SPTB: variants seen among roughly 807,000 people sequenced by gnomAD.
SPTB encodes spectrin beta, erythrocytic.
SPTB carries 45 observed loss-of-function variants against 256.2 expected under a neutral mutation model. That is an observed-to-expected ratio of 0.18 (90% CI 0.14 to 0.23). The LOEUF is 0.23. Among genes scored for constraint, SPTB ranks in the 10% least tolerant of loss-of-function variants. SPTB has a pLI of 1.00. For synonymous variants in SPTB, 1,231 were observed against 1,243.1 expected, an observed-to-expected ratio of 0.99 and a Z score of 0.21; for missense variants, 2,715 against 3,040.4, an observed-to-expected ratio of 0.89 and a Z score of 2.52.
chr14:64,766,519 G>T, intron 32 of SPTB: 1 of 1,479,196 alleles, frequency 6.8e-7, no homozygotes, highest in East Asian at 2.5e-5. Flanking sequence ...CTGTGGGGAG[G>T]AGTGGAGGAG....
Position 64,786,810 on chromosome 14 carries a change from C to T in SPTB, c.3155G>A (p.Gly1052Asp), listed in dbSNP as rs143644014. The change falls in exon 16 of 36, where the codon GGC becomes GAC. Residue 1052 changes from glycine to aspartate, a missense_variant. Gly to Asp is a moderately conservative substitution (Grantham distance 94). Around this residue, in one of 4 missense-constraint regions of SPTB, gnomAD observed 2,239 missense variants for 2,384.4 expected, o/e 0.94. Transcript: ENST00000644917. The surrounding 1 kb of genome is among the most constrained non-coding windows in gnomAD (Gnocchi z 5.6). ...LWQGLQQSLQGQEDLLGEVSQ... is the reference protein window; with the variant it reads ...LWQGLQQSLQDQEDLLGEVSQ... ...GACTTCCCCCAGCAAGTCCTCCTGG[C>T]CCTGCAGGGATTGCTGCAGGCCCTG... The T allele has an allele frequency of 3.9e-5, 63 of 1,613,902 alleles. No homozygotes were observed. Among genetic ancestry groups the T allele is most frequent in the Non-Finnish European group, 4.5e-5 (53 of 1,180,022 alleles).
At chr14:64,828,935 G>A (rs2083411591) in intron 1 of SPTB, among the ~76,000 whole-genome samples, 1 of 152,182 alleles carries the variant, frequency 6.6e-6, no homozygotes, top group South Asian at 2.1e-4. Flanking sequence ...TCACTGAAGT[G>A]ATATTTATAA....
chr14:64,850,338 A>G (rs1311551410), intron 1 of SPTB, among the ~76,000 whole-genome samples: 1 of 152,202 alleles, frequency 6.6e-6, no homozygotes, highest in Non-Finnish European at 1.5e-5. Context: ...ACACCTGTGG[A>G]TGGCTTCTTC....
chr14:64,801,931 A>T, intron 5 of SPTB, 97 bp from the exon 6 acceptor site: 1 of 1,252,212 alleles, frequency 8.0e-7, no homozygotes, highest in African/African-American at 1.5e-5. Context: ...AGAGAAATGG[A>T]ACTGTCCTTT....
At chr14:64,876,290 C>T (rs557228374) in intron 1 of SPTB, among the ~76,000 whole-genome samples, 46 of 152,144 alleles carry the variant, frequency 3.0e-4, no homozygotes, top group African/African-American at 1.1e-3. Flanking sequence ...TACAGGTGCC[C>T]ACCACCACAC....
In SPTB at chr14:64,749,648, G is replaced by C. The variant is rs369634684; in HGVS notation, c.6819+6C>G. On this transcript the variant is annotated splice_donor_region_variant and intron_variant, in intron 35 of 35. Coordinates refer to ENST00000644917, the MANE Select transcript of SPTB (RefSeq NM_001355436.2). The surrounding 1 kb of genome is among the most constrained non-coding windows in gnomAD (Gnocchi z 4.7). Reference sequence around the variant, plus strand: ...GCCAGGTCTGGGCTAGGCTGCCCGCGCTTACCTCATCCTTGCCATGGAAGA... The same window carrying C: ...GCCAGGTCTGGGCTAGGCTGCCCGCCCTTACCTCATCCTTGCCATGGAAGA... The C allele has an allele frequency of 3.7e-6, 6 of 1,613,474 alleles. No homozygotes were observed. The highest frequency in any genetic ancestry group is 5.1e-6 in the Non-Finnish European group (6 of 1,179,940).
rs776062167 is a variant in SPTB at position 64,801,289 on chromosome 14, G to A, written c.759C>T (p.Pro253=). The stretch of plus-strand genomic sequence containing the variant: ...GCAGGGGTGGGTGTGGCTCACCTTC[G>A]GGGTCGAGGAGCGGGATGATGCCCA... ...RQLGIIPLLD[P]EDVFTENPDE... The change falls in exon 7 of 36, where the codon CCC becomes CCT. Residue 253 remains proline, a synonymous_variant. Transcript: ENST00000644917. 1.4e-5 allele frequency: 23 copies of A among 1,613,342 alleles called. No homozygotes were observed. Among genetic ancestry groups the A allele is most frequent in the South Asian group, 2.2e-5 (2 of 91,066 alleles).
rs1229774125 is a variant in SPTB, at chr14:64,759,290, C to A, written c.6346-5497G>T. ...TAGCTGGGCAGGGACCCACCCATGA[C>A]CCCCTGGCTGCGAACCTGCAGTGGG... On this transcript the variant is annotated intron_variant, in intron 32 of 35. Coordinates refer to ENST00000644917, the MANE Select transcript of SPTB (RefSeq NM_001355436.2). This position sits in a 1 kb window ranked among gnomAD's most constrained non-coding sequence, Gnocchi z 4.8. Among the ~76,000 whole-genome samples the A allele has an allele frequency of 1.3e-5, 2 of 152,192 alleles. No individual in the cohort carries two copies. Among genetic ancestry groups the A allele is most frequent in the African/African-American group, 4.8e-5 (2 of 41,434 alleles).
intron 24 of SPTB, among the ~76,000 whole-genome samples, 167 bp downstream of exon 24, chr14:64,774,230 G>C (rs2082321842): frequency 6.6e-6 from 1 of 152,142 alleles, no homozygotes; most frequent in Non-Finnish European, 1.5e-5. Flanking sequence ...CAAAACCAAG[G>C]CATAAAATGA....
At chr14:64,789,796 A>G (rs2082638754) in intron 15 of SPTB, among the ~76,000 whole-genome samples, 1 of 152,226 alleles carries the variant, frequency 6.6e-6, no homozygotes, top group Non-Finnish European at 1.5e-5. Flanking sequence ...ACAAAGGAGG[A>G]AAAGATTGCT....
intron 1 of SPTB, among the ~76,000 whole-genome samples, chr14:64,855,214 G>GA (rs1177452202): frequency 6.6e-6 from 1 of 152,164 alleles, no homozygotes; most frequent in Non-Finnish European, 1.5e-5. Flanking sequence ...AAAACAGAAC[G>GA]AAAGGGAAGG....
rs200389830 is a variant in SPTB at position 64,793,328 on chromosome 14, G to A, written c.2335C>T (p.Arg779Trp). 4.2e-5 allele frequency: 67 copies of A among 1,609,372 alleles called. No individual in the cohort carries two copies. The highest frequency in any genetic ancestry group is 5.0e-5 in the Non-Finnish European group (59 of 1,179,992). The change falls in exon 14 of 36, where the codon CGG becomes TGG. Residue 779 changes from arginine (R) to tryptophan (W), a missense_variant. Physicochemically the swap from Arg to Trp is moderately radical, Grantham distance 101 (BLOSUM62 -3). Transcript: ENST00000644917. This position sits in a 1 kb window ranked among gnomAD's most constrained non-coding sequence, Gnocchi z 7.0. ...TCCTTGTGCTTTTTCCCCAGGGCCC[G>A]CGTGGCCCCTTCGTCCTGCCCCACA... Reference protein sequence around the residue: ...EDVGQDEGATRALGKKHKDFL... With the variant: ...EDVGQDEGATWALGKKHKDFL...
Position 64,873,364 on chromosome 14 carries a change from A to G in SPTB, c.-52+6428T>C, listed in dbSNP as rs182072311. Among the ~76,000 whole-genome samples, 3 of 152,354 alleles carry G rather than the reference A, an allele frequency of 2.0e-5. No homozygotes were observed. The highest frequency in any genetic ancestry group is 2.0e-4 in the Admixed American group (3 of 15,304). ...CTCAGTAAATATTTGTTGAAGACTG[A>G]CATACAAATCAAGGCCCTCAAGATC... On this transcript the variant is annotated intron_variant, in intron 1 of 35. Transcript: ENST00000644917. This position sits in a 1 kb window ranked among gnomAD's most constrained non-coding sequence, Gnocchi z 4.3.
In SPTB at chr14:64,747,847, C is replaced by A. The variant is rs2081872849; in HGVS notation, c.*1459G>T. 7.3e-6 allele frequency: 1 copy of A among 136,944 alleles called. No homozygotes were observed. The highest frequency in any genetic ancestry group is 2.6e-4 in the South Asian group (1 of 3,854). 8.5% of individuals were successfully genotyped at this position (136,944 alleles called of 1,614,324 possible). On this transcript the variant is annotated 3_prime_UTR_variant, in exon 36 of 36. Transcript: ENST00000644917. ...CGCTTGACTGCTCTCTTGGACCTAA[C>A]CCTAGTTTGATACTGGGCCAGAACT...
chr14:64,869,620 A>ATTT (rs1882404993), intron 1 of SPTB, among the ~76,000 whole-genome samples: 1 of 131,478 alleles, frequency 7.6e-6, no homozygotes, highest in Non-Finnish European at 1.6e-5. Context: ...AGATTTTTTA[A>ATTT]ATTTTTTTTT....
At chr14:64,817,993 A>G (rs548819610) in intron 2 of SPTB, among the ~76,000 whole-genome samples, 1 of 152,328 alleles carries the variant, frequency 6.6e-6, no homozygotes, top group South Asian at 2.1e-4. Flanking sequence ...GTCCCACAGC[A>G]GTCTTGGAAT....
At chr14:64,839,825 G>C (rs2083578116) in intron 1 of SPTB, among the ~76,000 whole-genome samples, 1 of 152,188 alleles carries the variant, frequency 6.6e-6, no homozygotes, top group Non-Finnish European at 1.5e-5. Flanking sequence ...CAACAAGATA[G>C]AGCTATGCAA....
chr14:64,856,199 G>A (rs888509354), intron 1 of SPTB, among the ~76,000 whole-genome samples: 1 of 152,224 alleles, frequency 6.6e-6, no homozygotes, highest in Admixed American at 6.5e-5. Context: ...GGCCCAGAAG[G>A]CTGTCTCTCC....
chr14:64,871,503 T>C (rs950875272), intron 1 of SPTB, among the ~76,000 whole-genome samples: 6 of 152,160 alleles, frequency 3.9e-5, no homozygotes, highest in African/African-American at 9.7e-5. Context: ...AGTGGTTCAG[T>C]GTGGGATGGT....
Sources: gnomAD v4.1 joint callset for allele counts (sites outside exome capture counted in the v4.1 genomes callset) on GRCh38, gnomAD v4.1.1 for gene constraint, gnomAD v4.1.1 regional missense constraint, Gnocchi (gnomAD v3.1) non-coding constraint, MANE v1.5 for transcripts, NCBI Gene and HGNC (gene_info 2026-07-23, HGNC 2026-07-21) for gene names.